GRIK2: variants seen among roughly 807,000 people sequenced by gnomAD.
GRIK2 encodes glutamate receptor ionotropic, kainate 2.
In GRIK2, 32 loss-of-function variants were observed where a neutral mutation model predicts 100.3. The observed-to-expected ratio is 0.32, with a 90% CI of 0.24 to 0.43. The LOEUF (loss-of-function observed/expected upper bound fraction) is 0.43. GRIK2 is among the 20% of genes least tolerant of loss of function. The probability of loss-of-function intolerance (pLI) is 1.00; values close to 1 mark genes in which losing one functional copy is unlikely to be tolerated. For missense variants in GRIK2, 843 were observed against 1,114.9 expected (o/e 0.76, Z 3.47); for synonymous variants, 417 against 389.4 (o/e 1.07, Z -0.83).
chr6:101,733,087 G>A (rs548300601), intron 7 of GRIK2, among the ~76,000 whole-genome samples: 1 of 152,152 alleles, frequency 6.6e-6, no homozygotes, highest in African/African-American at 2.4e-5. Context: ...TCAGTCAATA[G>A]CATTCTGCCC....
rs1001192034 is a variant in GRIK2, at chr6:101,403,008, G to A, written c.115+3616G>A. ...ACTTTAGCCGGTCCTTCTCTTCCGG[G>A]CATGCACTGACCCCAGCCTGTACGG... On this transcript the variant is annotated intron_variant, in intron 2 of 16. Transcript: ENST00000369134. Among the ~76,000 whole-genome samples, 128 of 152,150 alleles carry A rather than the reference G, an allele frequency of 8.4e-4. 1 individual carries two copies. The highest frequency in any genetic ancestry group is 8.5e-4 in the Admixed American group (13 of 15,270).
intron 10 of GRIK2, among the ~76,000 whole-genome samples, chr6:101,845,097 T>C (rs1276426679): frequency 6.6e-6 from 1 of 152,032 alleles, no homozygotes; most frequent in Non-Finnish European, 1.5e-5. Flanking sequence ...CATAGCTGAC[T>C]GCAACCTCCA....
At chr6:102,064,841 C>T (rs114815708) in intron 16 of GRIK2, among the ~76,000 whole-genome samples, 2,798 of 151,220 alleles carry the variant, frequency 0.019, 87 homozygotes, top group African/African-American at 0.064. Context: ...ATGAACAGTT[C>T]TTTGTGATAT....
chr6:101,561,052 A>C (rs553405150), intron 2 of GRIK2, among the ~76,000 whole-genome samples: 49 of 152,334 alleles, frequency 3.2e-4, no homozygotes, highest in Non-Finnish European at 5.1e-4. Context: ...AATGAGACAA[A>C]AGATAGCAAA....
chr6:101,505,945 A>G (rs145465175), intron 2 of GRIK2, among the ~76,000 whole-genome samples: 1 of 152,242 alleles, frequency 6.6e-6, no homozygotes, highest in African/African-American at 2.4e-5. Context: ...ATTTGGATCG[A>G]ATATATTGTT....
chr6:102,044,362 G>T (rs1205114534), intron 15 of GRIK2, among the ~76,000 whole-genome samples: 1 of 151,860 alleles, frequency 6.6e-6, no homozygotes, highest in Non-Finnish European at 1.5e-5. Flanking sequence ...CCTATCTTAA[G>T]ATTCCTGTAT....
intron 14 of GRIK2, among the ~76,000 whole-genome samples, chr6:101,930,350 A>T (rs9404159): frequency 1.8e-3 from 72 of 39,520 alleles, no homozygotes; most frequent in Admixed American, 9.6e-3. Flanking sequence ...CTCAAAAAAA[A>T]AAAATAAAAT....
chr6:101,675,996 G>A (rs953702007), intron 4 of GRIK2, among the ~76,000 whole-genome samples: 3 of 152,032 alleles, frequency 2.0e-5, no homozygotes, highest in Admixed American at 2.0e-4. Context: ...CTAATAATAG[G>A]GAATAGTTAC....
chr6:101,961,904 A>G (rs1792328056), intron 14 of GRIK2, among the ~76,000 whole-genome samples: 1 of 152,054 alleles, frequency 6.6e-6, no homozygotes, highest in African/African-American at 2.4e-5. Flanking sequence ...GAGATCCACA[A>G]TATGTGCCCA....
At chr6:101,745,023 A>G (rs555045891) in intron 7 of GRIK2, 34 of 152,170 alleles carry the variant, frequency 2.2e-4, no homozygotes, top group African/African-American at 7.2e-4. Context: ...GGCAATTCCC[A>G]TAACTAAAGG....
chr6:101,911,493 G>T (rs1156998645), intron 12 of GRIK2, among the ~76,000 whole-genome samples: 3 of 151,360 alleles, frequency 2.0e-5, no homozygotes, highest in Non-Finnish European at 3.0e-5. Context: ...GTTTTATTTT[G>T]GGAGATGCTG....
chr6:101,474,122 G>A (rs1255437554), intron 2 of GRIK2, among the ~76,000 whole-genome samples: 1 of 151,864 alleles, frequency 6.6e-6, no homozygotes, highest in South Asian at 2.1e-4. Context: ...CAGAAAAGCA[G>A]TAGCAAAACT....
intron 2 of GRIK2, among the ~76,000 whole-genome samples, chr6:101,415,361 A>G: frequency 7.0e-6 from 1 of 141,970 alleles, no homozygotes; most frequent in East Asian, 2.0e-4. Flanking sequence ...GTATTTTTCC[A>G]TAACTTTTTT....
At chr6:101,829,287 C>T (rs1248010761) in intron 10 of GRIK2, among the ~76,000 whole-genome samples, 1 of 151,936 alleles carries the variant, frequency 6.6e-6, no homozygotes, top group East Asian at 1.9e-4. Flanking sequence ...CAGCCAACAT[C>T]ATACTGACTG....
rs1183096564 is a variant in GRIK2 at position 101,859,492 on chromosome 6, A to G, written c.1523A>G (p.His508Arg). The G allele has an allele frequency of 1.3e-6, 2 of 1,549,018 alleles. 1 individual carries two copies. The highest frequency in any genetic ancestry group is 3.3e-5 in the Admixed American group (2 of 59,922). Residue 508 changes from histidine (H) to arginine (R), a missense_variant and splice_region_variant, in exon 11 of 17, where the codon CAT (histidine) becomes CGT (arginine). His to Arg is a conservative substitution (Grantham distance 29). Transcript: ENST00000369134. ...GGAATGGTTCGTGAACTAATTGATC[A>G]TGTAAGTCCCTTCCCTCATGATTTA... ...WNGMVRELIDHKADLAVAPLA... is the reference protein window; with the variant it reads ...WNGMVRELIDRKADLAVAPLA...
chr6:101,449,988 A>C (rs182308350), intron 2 of GRIK2, among the ~76,000 whole-genome samples: 85 of 151,758 alleles, frequency 5.6e-4, no homozygotes, highest in Non-Finnish European at 9.9e-4. Context: ...TGACTTGTTC[A>C]CTCTTTGTTC....
intron 2 of GRIK2, among the ~76,000 whole-genome samples, chr6:101,608,589 C>A (rs1779536778): frequency 6.6e-6 from 1 of 151,800 alleles, no homozygotes; most frequent in Non-Finnish European, 1.5e-5. Context: ...TTATTGAGCA[C>A]CTACTGTGTT....
At chr6:101,831,138 A>T (rs1489404443) in intron 10 of GRIK2, among the ~76,000 whole-genome samples, 1 of 152,100 alleles carries the variant, frequency 6.6e-6, no homozygotes, top group Non-Finnish European at 1.5e-5. Flanking sequence ...TAAAAATAAA[A>T]CACAAACTCT....
intron 14 of GRIK2, among the ~76,000 whole-genome samples, chr6:102,014,430 C>A (rs1795720922): frequency 6.6e-6 from 1 of 151,892 alleles, no homozygotes; most frequent in Non-Finnish European, 1.5e-5. Flanking sequence ...GTTTTCATAT[C>A]TCAGTTTCTT....
Sources: allele counts gnomAD v4.1 joint callset (sites outside exome capture counted in the v4.1 genomes callset), GRCh38; gene constraint gnomAD v4.1.1; transcripts MANE v1.5; gene names NCBI Gene and HGNC (gene_info 2026-07-23, HGNC 2026-07-21).